The following PI15 variants were observed in gnomAD, a reference collection of about 807,000 sequenced individuals.
PI15 encodes the protein 25 kDa trypsin inhibitor.
A neutral mutation model predicts 31.0 loss-of-function variants in PI15; 18 were observed. That is an observed-to-expected ratio of 0.58 (90% confidence interval 0.40 to 0.86). The LOEUF is 0.86. Ranked by LOEUF, PI15 falls within the 40% of genes least tolerant of loss-of-function variation. The pLI is 0.00. For missense variants in PI15, 282 were observed against 328.1 expected, an observed-to-expected ratio of 0.86 and a Z score of 1.09; for synonymous variants, 118 against 119.1, an observed-to-expected ratio of 0.99 and a Z score of 0.06.
At chr8:74,839,958 T>G (rs1810922936) in intron 2 of PI15, among the ~76,000 whole-genome samples, 1 of 152,166 alleles carries the variant, frequency 6.6e-6, no homozygotes, top group South Asian at 2.1e-4. Context: ...CTTTCGTCAG[T>G]TGTTAAATGT....
At position 74,825,313 on chromosome 8, in the gene PI15, G is replaced by A. The variant is rs933277228; in HGVS notation, c.64G>A (p.Val22Ile). ...LFSLLCEAST[V>I]VLLNSTDSSP... ...CTCCCTTCTCTGTGAAGCAAGTACCGTCGTCCTACTCAATTCCACTGACTC... is the reference window on the plus strand; with the variant it reads ...CTCCCTTCTCTGTGAAGCAAGTACCATCGTCCTACTCAATTCCACTGACTC... Residue 22 changes from valine to isoleucine, a missense_variant, in exon 2 of 6, where the codon GTC becomes ATC. Coordinates refer to ENST00000260113, the MANE Select transcript of PI15 (RefSeq NM_015886.5). The A allele has an allele frequency of 3.7e-6, 6 of 1,612,994 alleles. No individual in the cohort carries two copies. The highest frequency in any genetic ancestry group is 2.2e-5 in the South Asian group (2 of 91,050).
chr8:74,851,395 G>A lies in PI15; in HGVS notation c.*2142G>A, dbSNP rs1481596531. The A allele has an allele frequency of 6.6e-6, 1 of 151,970 alleles. No individual in the cohort carries two copies. Among genetic ancestry groups the A allele is most frequent in the Non-Finnish European group, 1.5e-5 (1 of 67,930 alleles). 9.4% of individuals were successfully genotyped at this position (151,970 alleles called of 1,614,324 possible). On this transcript the variant is annotated 3_prime_UTR_variant, in exon 6 of 6. Coordinates refer to ENST00000260113, the MANE Select transcript of PI15 (RefSeq NM_015886.5). ...GATGGCTACACTAAGTTCCAATTTT[G>A]TTGCTGAATTGCTTCTGTGAGTTCA...
At chr8:74,842,762 C>T (rs908330911) in intron 2 of PI15, among the ~76,000 whole-genome samples, 1 of 152,038 alleles carries the variant, frequency 6.6e-6, no homozygotes, top group African/African-American at 2.4e-5. Context: ...AAATTTTGTC[C>T]TACGATATTT....
At chr8:74,842,765 C>T (rs574815119) in intron 2 of PI15, among the ~76,000 whole-genome samples, 5 of 152,182 alleles carry the variant, frequency 3.3e-5, no homozygotes, top group East Asian at 3.9e-4. Flanking sequence ...TTTTGTCCTA[C>T]GATATTTTTC....
chr8:74,846,532 A>C (rs1360078329), intron 5 of PI15, among the ~76,000 whole-genome samples: 2 of 152,156 alleles, frequency 1.3e-5, no homozygotes, highest in East Asian at 3.8e-4. Context: ...TTTTTGTTTC[A>C]TTTATGTAAC....
intron 5 of PI15, among the ~76,000 whole-genome samples, chr8:74,846,637 AT>A (rs1811031037): frequency 6.6e-6 from 1 of 152,204 alleles, no homozygotes; most frequent in South Asian, 2.1e-4. Flanking sequence ...TTACATTAAC[AT>A]GCTACATTTC....
intron 2 of PI15, among the ~76,000 whole-genome samples, chr8:74,833,051 C>G (rs187607823): frequency 6.6e-6 from 1 of 152,174 alleles, no homozygotes. Flanking sequence ...GGCGGGAAGG[C>G]ATTTGAATCC....
At chr8:74,826,991 G>A (rs1398606200) in intron 2 of PI15, among the ~76,000 whole-genome samples, 1 of 152,070 alleles carries the variant, frequency 6.6e-6, no homozygotes, top group Non-Finnish European at 1.5e-5. Context: ...AAAATTAGAT[G>A]AGCAAACACA....
At chr8:74,842,357 T>C (rs1810956826) in intron 2 of PI15, among the ~76,000 whole-genome samples, 1 of 152,178 alleles carries the variant, frequency 6.6e-6, no homozygotes, top group Admixed American at 6.5e-5. Flanking sequence ...AATATGCTGC[T>C]AACCACTCTC....
rs765320347 is a variant in PI15 at position 74,845,494 on chromosome 8, C to A, written c.638C>A (p.Pro213Gln). The part of the protein sequence containing the change: ...RAVYLVCNYA[P>Q]KGNWIGEAPY... ...GTTTACTTGGTATGCAACTATGCCC[C>A]AAAGTAAGTACCAGGTTGGATTCTA... Residue 213 changes from proline (P) to glutamine (Q), a missense_variant, in exon 5 of 6, where the codon CCA (proline) becomes CAA (glutamine). By Grantham distance (76) the Pro-to-Gln change is moderately conservative (BLOSUM62 -1). Transcript: ENST00000260113. 5 of 1,577,448 alleles carry A rather than the reference C, an allele frequency of 3.2e-6. No individual in the cohort carries two copies. The highest frequency in any genetic ancestry group is 4.4e-6 in the Non-Finnish European group (5 of 1,146,796).
chr8:74,835,107 G>A (rs540328726), intron 2 of PI15, among the ~76,000 whole-genome samples: 6 of 152,166 alleles, frequency 3.9e-5, no homozygotes, highest in Non-Finnish European at 8.8e-5. Context: ...TTGAATTTTA[G>A]ACTAATTTAT....
Position 74,844,111 on chromosome 8 carries a change from T to C in PI15, c.392+12T>C. 9.1e-7 allele frequency: 1 copy of C among 1,099,856 alleles called. No individual in the cohort carries two copies. 68.1% of individuals were successfully genotyped at this position (1,099,856 alleles called of 1,614,324 possible). A position where few individuals can be genotyped will look rare whatever the true frequency, so the allele number is the denominator to read the frequency against. On this transcript the variant is annotated intron_variant, in intron 3 of 5. Transcript: ENST00000260113. Reference sequence around the variant, plus strand: ...GTACGCACTGGAAGGTAGGAAGTAATTTCACTGATGCAGTTCATCCACATG... The same window carrying C: ...GTACGCACTGGAAGGTAGGAAGTAACTTCACTGATGCAGTTCATCCACATG...
At chr8:74,848,724 T>G (rs1404298595) in intron 5 of PI15, among the ~76,000 whole-genome samples, 27 of 143,480 alleles carry the variant, frequency 1.9e-4, no homozygotes, top group African/African-American at 6.9e-4. Context: ...AATATATATA[T>G]ATATATATAG....
intron 3 of PI15, among the ~76,000 whole-genome samples, chr8:74,844,522 A>ACAT (rs1242715861): frequency 6.6e-6 from 1 of 152,060 alleles, no homozygotes; most frequent in East Asian, 1.9e-4. Context: ...ATTTACATAA[A>ACAT]CATATACAAT....
intron 2 of PI15, among the ~76,000 whole-genome samples, chr8:74,826,812 G>A (rs16938968): frequency 0.097 from 14,692 of 151,984 alleles, 872 homozygotes; most frequent in African/African-American, 0.17. Flanking sequence ...ATGAGTTGAC[G>A]AGTAATCAGA....
At position 74,851,943 on chromosome 8, in the gene PI15, A is replaced by G. The variant is rs1023657240; in HGVS notation, c.*2690A>G. On this transcript the variant is annotated 3_prime_UTR_variant, in exon 6 of 6. Transcript: ENST00000260113. The stretch of plus-strand genomic sequence containing the variant: ...ATTTGTTATTCTAACTCTATTTTTT[A>G]AAGTTAATAATATAAAGTGGCCATG... 2.0e-5 allele frequency: 3 copies of G among 152,354 alleles called. No homozygotes were observed. Among genetic ancestry groups the G allele is most frequent in the Non-Finnish European group, 4.4e-5 (3 of 67,964 alleles). 9.4% of individuals were successfully genotyped at this position (152,354 alleles called of 1,614,324 possible).
In PI15 at chr8:74,842,013, CT is replaced by C. The variant is rs142727868; in HGVS notation, c.274-1959del. Among the ~76,000 whole-genome samples, 836 of 151,476 alleles carry C rather than the reference CT, an allele frequency of 5.5e-3. 4 individuals carry two copies. Among genetic ancestry groups the C allele is most frequent in the Middle Eastern group, 0.01 (3 of 294 alleles). On this transcript the variant is annotated intron_variant, in intron 2 of 5. Coordinates refer to ENST00000260113, the MANE Select transcript of PI15 (RefSeq NM_015886.5). ...TAAGAGGGTCTCTTGAAGAGTTTAT[CT>C]TTTTTTTTCTTATTTTATTTTAAAG...
chr8:74,825,147 A>T, intron 1 of PI15, 63 bp from the exon 2 acceptor site: 173 of 634,334 alleles, frequency 2.7e-4, no homozygotes, highest in Non-Finnish European at 4.5e-4. Context: ...ATGTCTTTGT[A>T]AATTCATACC....
chr8:74,828,912 A>G (rs1028293003), intron 2 of PI15, among the ~76,000 whole-genome samples: 1 of 152,104 alleles, frequency 6.6e-6, no homozygotes, highest in African/African-American at 2.4e-5. Context: ...TTTTGATGCC[A>G]GAATGCTTCT....
Sources: allele counts gnomAD v4.1 joint callset (sites outside exome capture counted in the v4.1 genomes callset), GRCh38; gene constraint gnomAD v4.1.1; transcripts MANE v1.5; gene names NCBI Gene and HGNC (gene_info 2026-07-23, HGNC 2026-07-21).